The following CEMIP variants were observed in gnomAD, a reference collection of about 807,000 sequenced individuals.
CEMIP encodes cell migration inducing hyaluronidase 1.
CEMIP carries 105 observed loss-of-function variants against 156.9 expected under a neutral mutation model. The ratio of observed to expected loss-of-function variants is 0.67; its 90% CI spans 0.57 to 0.79. CEMIP has a LOEUF of 0.79. Ranked by LOEUF, CEMIP falls within the 30% of genes least tolerant of loss-of-function variation. The pLI, the probability that CEMIP is intolerant of heterozygous loss-of-function variation, is 0.00. For missense variants in CEMIP, 1,457 were observed against 1,769.4 expected, an observed-to-expected ratio of 0.82 and a Z score of 3.17; for synonymous variants, 676 against 668.4, an observed-to-expected ratio of 1.01 and a Z score of -0.17.
chr15:80,813,208 C>T (rs916826687), intron 1 of CEMIP, among the ~76,000 whole-genome samples: 1 of 152,110 alleles, frequency 6.6e-6, no homozygotes, highest in African/African-American at 2.4e-5. Context: ...AATAATAGCA[C>T]CTCCTTCAAA....
At chr15:80,858,376 CATT>C (rs1383197924) in intron 1 of CEMIP, among the ~76,000 whole-genome samples, 2 of 152,100 alleles carry the variant, frequency 1.3e-5, no homozygotes, top group African/African-American at 4.8e-5. Context: ...TGTAAGGCCT[CATT>C]AATTAAATAA....
At chr15:80,806,121 A>G (rs1311383859) in intron 1 of CEMIP, among the ~76,000 whole-genome samples, 1 of 152,244 alleles carries the variant, frequency 6.6e-6, no homozygotes, top group East Asian at 1.9e-4. Context: ...CAACCAGAAT[A>G]TCTTATAACA....
At chr15:80,868,144 T>C (rs1383584020) in intron 1 of CEMIP, among the ~76,000 whole-genome samples, 2 of 152,128 alleles carry the variant, frequency 1.3e-5, no homozygotes, top group Non-Finnish European at 2.9e-5. Flanking sequence ...TAAGAGTCCA[T>C]GAACAAGAAA....
intron 14 of CEMIP, among the ~76,000 whole-genome samples, chr15:80,912,851 G>A (rs989028854): frequency 7.2e-5 from 11 of 152,122 alleles, no homozygotes; most frequent in African/African-American, 2.2e-4. Context: ...GACTATGTTT[G>A]GAAAGATGTT....
chr15:80,896,533 G>A (rs1364225957), intron 12 of CEMIP, among the ~76,000 whole-genome samples: 3 of 152,230 alleles, frequency 2.0e-5, no homozygotes, highest in African/African-American at 2.4e-5. Context: ...TTGTTAGACA[G>A]TTATTCAATC....
chr15:80,780,527 C>A (rs890718924), intron 1 of CEMIP, among the ~76,000 whole-genome samples: 1 of 152,224 alleles, frequency 6.6e-6, no homozygotes, highest in African/African-American at 2.4e-5. Context: ...TCGGACGCTA[C>A]GGCAGTCCCA....
intron 1 of CEMIP, among the ~76,000 whole-genome samples, chr15:80,862,476 T>C (rs775678103): frequency 3.3e-5 from 5 of 152,132 alleles, no homozygotes; most frequent in Non-Finnish European, 7.3e-5. Context: ...AGAGCAGCAT[T>C]CATTACCAGG....
intron 1 of CEMIP, among the ~76,000 whole-genome samples, chr15:80,824,550 T>C (rs552411751): frequency 7.1e-4 from 108 of 152,296 alleles, no homozygotes; most frequent in African/African-American, 2.6e-3. Context: ...CCATGAGCAC[T>C]TGGAGCCATC....
intron 1 of CEMIP, among the ~76,000 whole-genome samples, chr15:80,863,645 G>A (rs1270783054): frequency 6.6e-6 from 1 of 152,152 alleles, no homozygotes; most frequent in Non-Finnish European, 1.5e-5. Flanking sequence ...TCAAAAGCTT[G>A]AGCATGGCAG....
rs1567110515 is a variant in CEMIP at position 80,937,908 on chromosome 15, G to A, written c.3336G>A (p.Arg1112=). The A allele has an allele frequency of 3.1e-6, 5 of 1,614,200 alleles. No individual in the cohort carries two copies. The highest frequency in any genetic ancestry group is 1.6e-4 in the Middle Eastern group (1 of 6,062). The change falls in exon 25 of 30, where the codon AGG becomes AGA. Residue 1112 remains arginine (R), a synonymous_variant. Coordinates refer to ENST00000394685, the MANE Select transcript of CEMIP (RefSeq NM_001293298.2). ...CGTCCAAGACGGGCGTCTTCGTGAGGACCTTGCAGATGGACAAAGTGGAGC... is the reference window on the plus strand; with the variant it reads ...CGTCCAAGACGGGCGTCTTCGTGAGAACCTTGCAGATGGACAAAGTGGAGC... ...KQTSKTGVFV[R]TLQMDKVEQS...
chr15:80,910,323 A>C (rs1900000929), intron 14 of CEMIP, among the ~76,000 whole-genome samples: 1 of 152,206 alleles, frequency 6.6e-6, no homozygotes, highest in Non-Finnish European at 1.5e-5. Context: ...GGCATTCTCC[A>C]GTGTGCAGCA....
At chr15:80,944,086 T>C (rs2141976470) in intron 28 of CEMIP, among the ~76,000 whole-genome samples, 1 of 152,260 alleles carries the variant, frequency 6.6e-6, no homozygotes, top group East Asian at 1.9e-4. Flanking sequence ...GACATCAGCC[T>C]GGCCAATATG....
chr15:80,925,954 T>G (rs2141935076), intron 19 of CEMIP, among the ~76,000 whole-genome samples, 199 bp downstream of exon 19: 1 of 152,108 alleles, frequency 6.6e-6, no homozygotes, highest in South Asian at 2.1e-4. Context: ...AGCAGCATAT[T>G]GGCTTCAGCC....
intron 10 of CEMIP, among the ~76,000 whole-genome samples, chr15:80,893,630 C>A (rs575702303): frequency 6.6e-6 from 1 of 152,144 alleles, no homozygotes; most frequent in Non-Finnish European, 1.5e-5. Flanking sequence ...TGAGCATCAG[C>A]GTTGACCTCC....
intron 1 of CEMIP, among the ~76,000 whole-genome samples, chr15:80,784,562 A>G (rs779510919): frequency 6.6e-6 from 1 of 152,146 alleles, no homozygotes; most frequent in Non-Finnish European, 1.5e-5. Context: ...GGTGGGAACC[A>G]TTGGAGTGTT....
At chr15:80,888,646 A>G (rs1486561976) in intron 8 of CEMIP, 55 bp from the exon 9 acceptor site, 31 of 1,520,832 alleles carry the variant, frequency 2.0e-5, no homozygotes, top group East Asian at 2.3e-5. Context: ...TGGAGTCACA[A>G]CTTTTTGAAT....
chr15:80,934,432 T>G lies in CEMIP; in HGVS notation c.3009+972T>G, dbSNP rs180989600. 7.2e-5 allele frequency among the ~76,000 whole-genome samples: 11 copies of G among 152,310 alleles called. No homozygotes were observed. The East Asian group carries it at 1.9e-3, about 27-fold the overall frequency. On this transcript the variant is annotated intron_variant, in intron 23 of 29. Transcript: ENST00000394685. ...AGAACTTAAAATATTAGTTAGCTAT[T>G]ATTATATTATTGTTACTTCTAGTAT... is the stretch of plus-strand genomic sequence containing the variant.
At chr15:80,900,640 G>GTGTGTGTGTGTGTGTGTGTC (rs1596172842) in intron 12 of CEMIP, among the ~76,000 whole-genome samples, 2 of 130,412 alleles carry the variant, frequency 1.5e-5, no homozygotes. Context: ...GTGTGTGTGT[G>GTGTGTGTGTGTGTGTGTGTC]TGTGTGTGTC....
At chr15:80,872,164 G>A (rs968663313) in intron 1 of CEMIP, among the ~76,000 whole-genome samples, 7 of 152,190 alleles carry the variant, frequency 4.6e-5, no homozygotes, top group Admixed American at 2.6e-4. Flanking sequence ...CAGACTTTTC[G>A]CTAAGCTGGT....
Sources: allele counts gnomAD v4.1 joint callset (sites outside exome capture counted in the v4.1 genomes callset), GRCh38; gene constraint gnomAD v4.1.1; transcripts MANE v1.5; gene names NCBI Gene and HGNC (gene_info 2026-07-23, HGNC 2026-07-21).